RBFOX1: variants seen among roughly 807,000 people sequenced by gnomAD.
RBFOX1 encodes the protein RNA binding protein fox-1 homolog 1.
Under a neutral mutation model 57.7 loss-of-function variants are expected in RBFOX1, and 8 were observed. The observed-to-expected ratio is 0.14, with a 90% CI of 0.08 to 0.25. The LOEUF is 0.25. Ranked by LOEUF, RBFOX1 falls within the 10% of genes least tolerant of loss-of-function variation. The pLI is 1.00. For synonymous variants in RBFOX1, 326 were observed against 222.4 expected (o/e 1.47, Z -4.15); for missense variants, 611 against 548.5 (o/e 1.11, Z -1.14).
chr16:7,317,569 C>T (rs2096467276), intron 4 of RBFOX1, among the ~76,000 whole-genome samples: 1 of 152,156 alleles, frequency 6.6e-6, no homozygotes, highest in African/African-American at 2.4e-5. Context: ...CACTCACCAG[C>T]TTGGTAAGGT....
At chr16:7,674,391 A>T (rs371247742) in intron 13 of RBFOX1, among the ~76,000 whole-genome samples, 4 of 152,188 alleles carry the variant, frequency 2.6e-5, no homozygotes, top group Admixed American at 1.3e-4. Context: ...TTCAATAGTC[A>T]TTTACTAGAA....
At position 7,021,465 on chromosome 16, in the gene RBFOX1, T is replaced by G. The variant is rs1045346990; in HGVS notation, c.-15-30592T>G. On this transcript the variant is annotated intron_variant, in intron 3 of 15. Transcript: ENST00000550418. ...TATATATCAGTATTAATTTTTAATA[T>G]AATTTATATTGTATATATTTTATAT... Among the ~76,000 whole-genome samples, 3 of 146,158 alleles carry G rather than the reference T, an allele frequency of 2.1e-5. No homozygotes were observed. In the South Asian group the frequency reaches 6.3e-4, roughly 31 times the overall value.
At chr16:6,504,863 G>A (rs183222771) in intron 2 of RBFOX1, among the ~76,000 whole-genome samples, 241 of 151,882 alleles carry the variant, frequency 1.6e-3, no homozygotes, top group African/African-American at 5.6e-3. Context: ...AGACTAGCCT[G>A]CCCAACATGG....
chr16:7,292,144 G>A (rs12447190), intron 4 of RBFOX1, among the ~76,000 whole-genome samples: 1 of 124,282 alleles, frequency 8.0e-6, no homozygotes, highest in African/African-American at 3.0e-5. Context: ...TATTACGTAT[G>A]ATATATAATA....
rs1465718235 is a variant in RBFOX1, at chr16:7,097,495, TC to T, written c.27+45398del. On this transcript the variant is annotated intron_variant, in intron 4 of 15. Transcript: ENST00000550418. ...GACAGTAAGAGAGTGAGTGGAGTTT[TC>T]TTTTCTGTTTTAATTGAGAAGTGTT... 5.9e-5 allele frequency among the ~76,000 whole-genome samples: 9 copies of T among 152,172 alleles called. No individual in the cohort carries two copies. The South Asian group carries it at 1.9e-3, about 32-fold the overall frequency.
intron 1 of RBFOX1, among the ~76,000 whole-genome samples, chr16:5,254,590 C>T (rs1275747282): frequency 1.3e-5 from 2 of 152,188 alleles, no homozygotes. Flanking sequence ...CTCTCTCTTA[C>T]CTGTTCAGTT....
At chr16:5,547,889 G>A (rs555529659) in intron 2 of RBFOX1, among the ~76,000 whole-genome samples, 1 of 152,148 alleles carries the variant, frequency 6.6e-6, no homozygotes, top group East Asian at 1.9e-4. Context: ...GCCAGGCACG[G>A]TGGCTCATGC....
chr16:6,808,986 G>A (rs1010762411), intron 3 of RBFOX1, among the ~76,000 whole-genome samples: 1 of 152,146 alleles, frequency 6.6e-6, no homozygotes, highest in Non-Finnish European at 1.5e-5. Flanking sequence ...CTGTAACCTA[G>A]CTTAATAGAC....
In RBFOX1 at chr16:7,488,039, C is replaced by T. The variant is rs145645149; in HGVS notation, c.28-30108C>T. On this transcript the variant is annotated intron_variant, in intron 4 of 15. Coordinates refer to ENST00000550418, the MANE Select transcript of RBFOX1 (RefSeq NM_018723.4). ...CTTGTGAATGAAGGGGGCACCTCGG[C>T]GGAAGTAATCACTGGAGGTGATGTT... 5.7e-3 allele frequency among the ~76,000 whole-genome samples: 873 copies of T among 152,094 alleles called. 7 individuals carry two copies. Among genetic ancestry groups the T allele is most frequent in the African/African-American group, 0.02 (828 of 41,472 alleles).
chr16:5,678,408 C>A (rs1277534339), intron 3 of RBFOX1, among the ~76,000 whole-genome samples: 1 of 152,150 alleles, frequency 6.6e-6, no homozygotes, highest in African/African-American at 2.4e-5. Flanking sequence ...GAAATTCCTG[C>A]CAGTTTCTAT....
intron 2 of RBFOX1, among the ~76,000 whole-genome samples, chr16:6,624,110 A>G (rs1451529224): frequency 6.6e-6 from 1 of 152,152 alleles, no homozygotes; most frequent in Non-Finnish European, 1.5e-5. Flanking sequence ...GAAAAGGGAG[A>G]TACGGACAAC....
At chr16:7,229,621 T>A (rs1474761278) in intron 4 of RBFOX1, among the ~76,000 whole-genome samples, 3 of 53,496 alleles carry the variant, frequency 5.6e-5, no homozygotes, top group African/African-American at 2.3e-4. Context: ...AGAAGAAAGA[T>A]GGAGGGAGGG....
chr16:6,944,756 C>T (rs7202420), intron 3 of RBFOX1, among the ~76,000 whole-genome samples: 3 of 152,150 alleles, frequency 2.0e-5, no homozygotes, highest in African/African-American at 7.2e-5. Flanking sequence ...GTCCTGTTGC[C>T]ATAGTACCCT....
chr16:6,839,766 A>G (rs1336293928), intron 3 of RBFOX1, among the ~76,000 whole-genome samples: 1 of 152,244 alleles, frequency 6.6e-6, no homozygotes, highest in African/African-American at 2.4e-5. Context: ...CAGTTGAAAC[A>G]TTTGGATGTA....
intron 2 of RBFOX1, among the ~76,000 whole-genome samples, chr16:6,489,463 A>C (rs1004839536): frequency 4.6e-5 from 7 of 152,212 alleles, no homozygotes; most frequent in African/African-American, 1.7e-4. Context: ...GGGAACAGAC[A>C]TCCAGAGAAG....
At chr16:5,920,619 C>G (rs1329613068) in intron 4 of RBFOX1, among the ~76,000 whole-genome samples, 1 of 152,098 alleles carries the variant, frequency 6.6e-6, no homozygotes, top group Non-Finnish European at 1.5e-5. Flanking sequence ...GAGGAAGCAC[C>G]CTTCCAGGGA....
chr16:6,913,529 C>T (rs2072275330), intron 3 of RBFOX1, among the ~76,000 whole-genome samples: 1 of 152,148 alleles, frequency 6.6e-6, no homozygotes, highest in South Asian at 2.1e-4. Context: ...CGATGCCCAG[C>T]ACTGAGCCCA....
chr16:5,412,736 A>G (rs984876232), intron 1 of RBFOX1, among the ~76,000 whole-genome samples: 2 of 152,216 alleles, frequency 1.3e-5, no homozygotes, highest in African/African-American at 4.8e-5. Flanking sequence ...TCCCTATATG[A>G]CAGGGAAAAA....
intron 4 of RBFOX1, among the ~76,000 whole-genome samples, chr16:7,269,644 T>G (rs778121688): frequency 2.0e-5 from 3 of 152,248 alleles, no homozygotes; most frequent in Admixed American, 6.5e-5. Context: ...CCAAAAGTTA[T>G]TACCTCTGTT....
Sources: allele counts gnomAD v4.1 joint callset (sites outside exome capture counted in the v4.1 genomes callset), GRCh38; gene constraint gnomAD v4.1.1; transcripts MANE v1.5; gene names NCBI Gene and HGNC (gene_info 2026-07-23, HGNC 2026-07-21).